The following LYZL1 variants were observed in gnomAD, a reference collection of about 807,000 sequenced individuals.
The protein encoded by LYZL1 is lysozyme-like protein 1.
A neutral mutation model predicts 17.9 loss-of-function variants in LYZL1; 16 were observed. The ratio of observed to expected loss-of-function variants is 0.90; its 90% CI spans 0.61 to 1.36. The LOEUF is 1.36. Ranked by LOEUF, LYZL1 falls within the 40% of genes most tolerant of loss-of-function variation. The pLI is 0.00. For missense variants in LYZL1, 149 were observed against 188.4 expected, an observed-to-expected ratio of 0.79 and a Z score of 1.22; for synonymous variants, 58 against 71.8, an observed-to-expected ratio of 0.81 and a Z score of 0.97.
chr10:29,314,197 T>G (rs1044300815), downstream of LYZL1, among the ~76,000 whole-genome samples: 3 of 152,072 alleles, frequency 2.0e-5, no homozygotes, highest in African/African-American at 7.2e-5. Context: ...CCCCTAAAGC[T>G]CTTGCCTCTG....
downstream of LYZL1, among the ~76,000 whole-genome samples, chr10:29,312,004 A>T (rs1835678711): frequency 6.7e-6 from 1 of 149,112 alleles, no homozygotes; most frequent in African/African-American, 2.5e-5. Context: ...TCCGGAGTAA[A>T]AAATAAGACC....
rs768136546 is a variant in LYZL1, at chr10:29,292,662, C to G, written c.283C>G (p.His95Asp). 2.5e-6 allele frequency: 4 copies of G among 1,613,840 alleles called. No individual in the cohort carries two copies. In the South Asian group the frequency reaches 4.4e-5, roughly 18 times the overall value. The change falls in exon 3 of 5, where the codon CAT becomes GAT. Residue 95 changes from histidine (H) to aspartate (D), a missense_variant. By Grantham distance (81) the His-to-Asp change is moderately conservative (BLOSUM62 -1). Around this residue, in one of 2 missense-constraint regions of LYZL1, gnomAD observed 130 missense variants for 132.5 expected, o/e 0.98. Coordinates refer to ENST00000649382, the MANE Select transcript of LYZL1 (RefSeq NM_032517.6). ...RGKLKENNHCHVACSALITDD... is the reference protein window; with the variant it reads ...RGKLKENNHCDVACSALITDD... ...AAAGCTGAAGGAGAACAACCACTGCCATGTCGCCTGCTCAGGTGAGGCTCT... is the reference window on the plus strand; with the variant it reads ...AAAGCTGAAGGAGAACAACCACTGCGATGTCGCCTGCTCAGGTGAGGCTCT...
intron 1 of LYZL1, among the ~76,000 whole-genome samples, chr10:29,290,592 G>A (rs1835349113): frequency 2.0e-5 from 3 of 152,184 alleles, no homozygotes; most frequent in South Asian, 2.1e-4. Context: ...TGTTATCCCA[G>A]CACTTTGGGA....
downstream of LYZL1, among the ~76,000 whole-genome samples, chr10:29,314,328 G>T (rs776004750): frequency 2.6e-5 from 4 of 152,202 alleles, no homozygotes; most frequent in Non-Finnish European, 5.9e-5. Flanking sequence ...AATCCCTGCT[G>T]CAGTGCTAAA....
downstream of LYZL1, among the ~76,000 whole-genome samples, chr10:29,312,769 G>A (rs983140161): frequency 5.9e-5 from 9 of 152,128 alleles, no homozygotes; most frequent in Non-Finnish European, 1.0e-4. Flanking sequence ...GTTTTCTCTT[G>A]CCCATTATCA....
chr10:29,317,316 T>A (rs1219670721), exon 4 of LYZL1: 1 of 152,232 alleles, frequency 6.6e-6, no homozygotes, highest in Non-Finnish European at 1.5e-5. Context: ...CCAGAAGTCC[T>A]CAGCACATGT....
intron 3 of LYZL1, among the ~76,000 whole-genome samples, chr10:29,293,053 T>A (rs1035658647): frequency 2.0e-5 from 3 of 152,138 alleles, no homozygotes; most frequent in Non-Finnish European, 2.9e-5. Flanking sequence ...TAGTGCAGAA[T>A]GAGATGAATA....
At chr10:29,315,526 T>A (rs201246455), downstream of LYZL1, among the ~76,000 whole-genome samples, 8 of 139,978 alleles carry the variant, frequency 5.7e-5, no homozygotes, top group Non-Finnish European at 7.6e-5. Flanking sequence ...TAAATAAAAA[T>A]AAATAAATAA....
At chr10:29,297,940 A>G (rs1835468192) in intron 3 of LYZL1, among the ~76,000 whole-genome samples, 1 of 152,232 alleles carries the variant, frequency 6.6e-6, no homozygotes, top group Middle Eastern at 3.2e-3. Flanking sequence ...AAAGTCTTCA[A>G]AATTCTTAGG....
At chr10:29,311,294 A>C, downstream of LYZL1, 10 of 1,311,858 alleles carry the variant, frequency 7.6e-6, no homozygotes, top group Non-Finnish European at 5.9e-6. Context: ...CACCTCCACA[A>C]TGCTCTAGCC....
intron 3 of LYZL1, among the ~76,000 whole-genome samples, chr10:29,296,367 A>C (rs1835446419): frequency 6.6e-6 from 1 of 152,104 alleles, no homozygotes; most frequent in Non-Finnish European, 1.5e-5. Flanking sequence ...ACAACAACAA[A>C]AAGCTCTGAA....
chr10:29,293,387 C>T (rs1420625508), intron 3 of LYZL1, among the ~76,000 whole-genome samples: 2 of 152,036 alleles, frequency 1.3e-5, no homozygotes, highest in African/African-American at 2.4e-5. Context: ...TCTCCTGCCT[C>T]GGCCTCTCAG....
intron 3 of LYZL1, among the ~76,000 whole-genome samples, chr10:29,304,453 A>G (rs1835563614): frequency 6.6e-6 from 1 of 152,160 alleles, no homozygotes; most frequent in African/African-American, 2.4e-5. Context: ...GCTAGATTTC[A>G]CTTGGGAGGC....
At chr10:29,295,715 G>A (rs1835437770) in intron 3 of LYZL1, among the ~76,000 whole-genome samples, 1 of 152,194 alleles carries the variant, frequency 6.6e-6, no homozygotes, top group Non-Finnish European at 1.5e-5. Context: ...AGAGAATCTT[G>A]CCCAGCTGTG....
intron 3 of LYZL1, among the ~76,000 whole-genome samples, chr10:29,298,113 G>A (rs1427042178): frequency 1.3e-5 from 2 of 152,062 alleles, no homozygotes; most frequent in East Asian, 3.9e-4. Context: ...GGTAATTGGA[G>A]GAGAATATTA....
intron 3 of LYZL1, among the ~76,000 whole-genome samples, chr10:29,306,549 C>CAAAAAAAA (rs58001118): frequency 1.2e-4 from 6 of 48,804 alleles, no homozygotes; most frequent in Non-Finnish European, 1.8e-4. Flanking sequence ...GACTCCGTCT[C>CAAAAAAAA]AAAAAAAAAA....
At chr10:29,298,924 A>G (rs1466987447) in intron 3 of LYZL1, among the ~76,000 whole-genome samples, 2 of 152,206 alleles carry the variant, frequency 1.3e-5, no homozygotes, top group Admixed American at 1.3e-4. Flanking sequence ...TTATCATTAC[A>G]TTGTAATATA....
Position 29,311,134 on chromosome 10 carries a change from T to C in LYZL1, c.*75T>C. 1.2e-6 allele frequency: 2 copies of C among 1,613,578 alleles called. No individual in the cohort carries two copies. The highest frequency in any genetic ancestry group is 2.2e-5 in the South Asian group (2 of 90,994). ...TGAATGTCCAAATGCCTGTGTCATC[T>C]TGTCCCGTTTCCTCCCAATATTCCT... On this transcript the variant is annotated 3_prime_UTR_variant, in exon 5 of 5. Coordinates refer to ENST00000649382, the MANE Select transcript of LYZL1 (RefSeq NM_032517.6).
intron 3 of LYZL1, among the ~76,000 whole-genome samples, chr10:29,298,875 G>A (rs1013665845): frequency 1.3e-5 from 2 of 152,112 alleles, no homozygotes; most frequent in African/African-American, 4.8e-5. Flanking sequence ...GTTTCAGGAT[G>A]ATTCAAGCGC....
Sources: gnomAD v4.1 joint callset for allele counts (sites outside exome capture counted in the v4.1 genomes callset) on GRCh38, gnomAD v4.1.1 for gene constraint, gnomAD v4.1.1 regional missense constraint, MANE v1.5 for transcripts, NCBI Gene and HGNC (gene_info 2026-07-23, HGNC 2026-07-21) for gene names.